LYAR: variants seen among roughly 807,000 people sequenced by gnomAD.
LYAR encodes the protein Ly1 antibody reactive.
In LYAR, 37 loss-of-function variants were observed where a neutral mutation model predicts 45.2. The ratio of observed to expected loss-of-function variants is 0.82; its 90% CI spans 0.63 to 1.08. LYAR has a LOEUF of 1.08. Ranked by LOEUF, LYAR falls within the 50% of genes least tolerant of loss-of-function variation. The pLI is 0.00. For synonymous variants in LYAR, 176 were observed against 155.1 expected (o/e 1.14, Z -1.00); for missense variants, 493 against 451.0 (o/e 1.09, Z -0.84).
In LYAR at chr4:4,284,680, C is replaced by T. The variant is rs537986538; in HGVS notation, c.-53-885G>A. Among the ~76,000 whole-genome samples, 7 of 151,210 alleles carry T rather than the reference C, an allele frequency of 4.6e-5. No homozygotes were observed. The South Asian group carries it at 1.3e-3, about 27-fold the overall frequency. On this transcript the variant is annotated intron_variant, in intron 2 of 9. Transcript: ENST00000343470. ...TACCGTGCTCAGGAAAACACAAATT[C>T]GTCTAGAAGTGTTAGAGAAGTCACA...
At chr4:4,269,989 CAGA>C (rs953032844) in intron 8 of LYAR, among the ~76,000 whole-genome samples, 3 of 152,088 alleles carry the variant, frequency 2.0e-5, no homozygotes, top group Non-Finnish European at 4.4e-5. Context: ...GAGGCTGAGG[CAGA>C]AGGATTGCTT....
Position 4,281,831 on chromosome 4 carries a change from A to G in LYAR, c.189T>C (p.Tyr63=). 6.2e-7 allele frequency: 1 copy of G among 1,614,154 alleles called. No homozygotes were observed. Among genetic ancestry groups the G allele is most frequent in the Non-Finnish European group, 8.5e-7 (1 of 1,180,018 alleles). The change falls in exon 4 of 10, where the codon TAT becomes TAC. Residue 63 remains tyrosine (Y), a synonymous_variant. Transcript: ENST00000343470. ...TGTCGCCTTTGTGGGTTTTACCTTC[A>G]TAGCCTTTGCCACCATACTTCTGAT... ...SEDQKYGGKG[Y]EGKTHKGDIK...
intron 6 of LYAR, among the ~76,000 whole-genome samples, chr4:4,275,893 A>C (rs1719160617): frequency 6.6e-6 from 1 of 152,092 alleles, no homozygotes; most frequent in African/African-American, 2.4e-5. Flanking sequence ...ACAGGGTTTC[A>C]CCATGTTGGC....
chr4:4,279,989 T>C (rs867742736), intron 4 of LYAR, among the ~76,000 whole-genome samples: 9 of 152,352 alleles, frequency 5.9e-5, no homozygotes, highest in Middle Eastern at 3.4e-3. Flanking sequence ...AAGGATGAAG[T>C]AAAATTATCT....
At chr4:4,271,542 T>C (rs891408012) in intron 8 of LYAR, among the ~76,000 whole-genome samples, 2 of 152,228 alleles carry the variant, frequency 1.3e-5, no homozygotes, top group Admixed American at 6.5e-5. Flanking sequence ...ACAGTGGGGC[T>C]GCTGGATTGG....
At chr4:4,270,553 C>T (rs928036078) in intron 8 of LYAR, among the ~76,000 whole-genome samples, 15 of 141,370 alleles carry the variant, frequency 1.1e-4, no homozygotes, top group African/African-American at 3.9e-4. Flanking sequence ...AAAAAACCCA[C>T]AAAAACAACA....
In LYAR at chr4:4,274,536, C is replaced by T. The variant is rs780464005; in HGVS notation, c.663G>A (p.Lys221=). Residue 221 remains lysine, a synonymous_variant, in exon 7 of 10, where the codon AAG becomes AAA. Transcript: ENST00000343470. ...HQENSRNQKP[K]KRKKGQEADL... is the part of the protein sequence containing the mutation. ...CAGCCTCCTGTCCCTTTTTGCGCTT[C>T]TTAGGCTTCTGATTCCTTGAGTTTT... 6.2e-7 allele frequency: 1 copy of T among 1,614,172 alleles called. No individual in the cohort carries two copies. The highest frequency in any genetic ancestry group is 2.2e-5 in the East Asian group (1 of 44,876).
At chr4:4,275,327 T>C (rs1719135187) in intron 6 of LYAR, among the ~76,000 whole-genome samples, 1 of 152,112 alleles carries the variant, frequency 6.6e-6, no homozygotes, top group South Asian at 2.1e-4. Flanking sequence ...AACCAGCCCA[T>C]TGTGTGTGAA....
chr4:4,287,823 T>C (rs898774782), intron 1 of LYAR, among the ~76,000 whole-genome samples: 4 of 152,168 alleles, frequency 2.6e-5, no homozygotes, highest in African/African-American at 9.7e-5. Flanking sequence ...ACTTTCCATG[T>C]ATAAATATTA....
At chr4:4,272,737 C>T (rs1718989517) in intron 8 of LYAR, among the ~76,000 whole-genome samples, 1 of 152,176 alleles carries the variant, frequency 6.6e-6, no homozygotes, top group South Asian at 2.1e-4. Flanking sequence ...GATATGGGGA[C>T]ACTACTGTTT....
In LYAR at chr4:4,289,579, G is replaced by GC. The variant is rs1252512787; in HGVS notation, c.-108+456dup. 2.0e-5 allele frequency: 3 copies of GC among 152,290 alleles called. No individual in the cohort carries two copies. In the East Asian group the frequency reaches 5.8e-4, roughly 29 times the overall value. 9.4% of individuals were successfully genotyped at this position (152,290 alleles called of 1,614,324 possible). A position where few individuals can be genotyped will look rare whatever the true frequency, so the allele number is the denominator to read the frequency against. On this transcript the variant is annotated intron_variant, in intron 1 of 9. Transcript: ENST00000343470. Reference sequence around the variant, plus strand: ...TGTTATGACAGATGAGGAAAGTGAGGCGCAAAGAGGTTAAAAAACTTACAC... The same window carrying GC: ...TGTTATGACAGATGAGGAAAGTGAGGCCGCAAAGAGGTTAAAAAACTTACAC...
intron 6 of LYAR, among the ~76,000 whole-genome samples, chr4:4,278,965 A>C (rs1179182914): frequency 6.6e-6 from 1 of 152,220 alleles, no homozygotes; most frequent in Non-Finnish European, 1.5e-5. Context: ...CTTCACAATA[A>C]GGAAGTCTCT....
intron 8 of LYAR, among the ~76,000 whole-genome samples, chr4:4,272,282 G>A (rs576365513): frequency 6.6e-6 from 1 of 152,302 alleles, no homozygotes; most frequent in East Asian, 1.9e-4. Context: ...TCTTACAACT[G>A]CATGTGAGTC....
Position 4,274,781 on chromosome 4 carries a change from G to A in LYAR, c.430-12C>T. The A allele has an allele frequency of 1.3e-6, 2 of 1,576,460 alleles. No homozygotes were observed. The highest frequency in any genetic ancestry group is 1.7e-6 in the Non-Finnish European group (2 of 1,168,356). On this transcript the variant is annotated splice_polypyrimidine_tract_variant and intron_variant, in intron 6 of 9. Coordinates refer to ENST00000343470, the MANE Select transcript of LYAR (RefSeq NM_017816.3). ...TTATTGACTGGTTCCTTATCATTAA[G>A]CAAAAGCAAGAAACACATATTCATT...
At chr4:4,281,753 A>AAGCT in intron 4 of LYAR, 30 bp downstream of exon 4, 1 of 1,500,144 alleles carries the variant, frequency 6.7e-7, no homozygotes, top group South Asian at 1.1e-5. Context: ...CTGTCAGAGG[A>AAGCT]AGCTACTCAA....
At chr4:4,275,903 C>A (rs1335536662) in intron 6 of LYAR, among the ~76,000 whole-genome samples, 1 of 152,134 alleles carries the variant, frequency 6.6e-6, no homozygotes, top group Non-Finnish European at 1.5e-5. Flanking sequence ...ACCATGTTGG[C>A]CAGGCTGATC....
intron 3 of LYAR, among the ~76,000 whole-genome samples, chr4:4,283,227 C>T (rs1438358525): frequency 2.0e-5 from 3 of 152,154 alleles, no homozygotes; most frequent in South Asian, 2.1e-4. Flanking sequence ...CTCGGCTCAC[C>T]GCAACCTCTG....
intron 2 of LYAR, 65 bp from the exon 3 acceptor site, chr4:4,283,860 C>A (rs4688928): frequency 0.34 from 235,531 of 702,846 alleles, 41,834 homozygotes; most frequent in East Asian, 0.53. Context: ...TGGCTCATGC[C>A]CCTAACTTTT....
intron 6 of LYAR, among the ~76,000 whole-genome samples, chr4:4,276,846 G>A (rs1719202606): frequency 6.6e-6 from 1 of 152,152 alleles, no homozygotes; most frequent in East Asian, 2.0e-4. Context: ...GACAGAGTGA[G>A]ACTCCGTCTC....
Sources: allele counts gnomAD v4.1 joint callset (sites outside exome capture counted in the v4.1 genomes callset), GRCh38; gene constraint gnomAD v4.1.1; transcripts MANE v1.5; gene names NCBI Gene and HGNC (gene_info 2026-07-23, HGNC 2026-07-21).